PDLIM5: variants seen among roughly 807,000 people sequenced by gnomAD.
PDLIM5 encodes the protein PDZ and LIM domain protein 5.
In PDLIM5, 34 loss-of-function variants were observed where a neutral mutation model predicts 64.2. That is an observed-to-expected ratio of 0.53 (90% CI 0.40 to 0.71). PDLIM5 has a LOEUF of 0.71. PDLIM5 is among the 30% of genes least tolerant of loss of function. The pLI is 0.00. For missense variants in PDLIM5, 683 were observed against 733.6 expected (o/e 0.93, Z 0.80); for synonymous variants, 253 against 269.1 (o/e 0.94, Z 0.59).
intron 7 of PDLIM5, chr4:94,587,873 A>G (rs1286776133): frequency 4.6e-6 from 4 of 874,614 alleles, no homozygotes; most frequent in South Asian, 5.2e-5. Flanking sequence ...GCTTTTTTTA[A>G]TCAGAAGAAC....
chr4:94,552,488 T>TA (rs1732896069), intron 3 of PDLIM5, among the ~76,000 whole-genome samples: 1 of 152,074 alleles, frequency 6.6e-6, no homozygotes, highest in Admixed American at 6.6e-5. Context: ...AGAAATAGAT[T>TA]AAATTCCAAC....
At chr4:94,570,640 G>A (rs925364689) in intron 3 of PDLIM5, among the ~76,000 whole-genome samples, 3 of 152,204 alleles carry the variant, frequency 2.0e-5, no homozygotes, top group African/African-American at 7.2e-5. Flanking sequence ...AAAGTGTGAG[G>A]AAACTGTTTA....
intron 3 of PDLIM5, among the ~76,000 whole-genome samples, chr4:94,564,355 A>G (rs1734107624): frequency 6.6e-6 from 1 of 152,164 alleles, no homozygotes; most frequent in Non-Finnish European, 1.5e-5. Context: ...CCATCTCTGC[A>G]GCTTTATCTC....
chr4:94,622,132 C>A (rs1739285875), intron 8 of PDLIM5, among the ~76,000 whole-genome samples: 1 of 152,070 alleles, frequency 6.6e-6, no homozygotes, highest in African/African-American at 2.4e-5. Context: ...AATGGTATAC[C>A]ATAGTTTAAA....
chr4:94,502,891 A>T (rs1041233522), intron 2 of PDLIM5, among the ~76,000 whole-genome samples: 7 of 152,114 alleles, frequency 4.6e-5, no homozygotes, highest in African/African-American at 1.7e-4. Flanking sequence ...AAAGAAAAAA[A>T]AAAGTTAATA....
intron 7 of PDLIM5, among the ~76,000 whole-genome samples, chr4:94,589,044 G>C (rs1190706745): frequency 6.6e-6 from 1 of 152,186 alleles, no homozygotes; most frequent in Non-Finnish European, 1.5e-5. Context: ...AGTTATAACT[G>C]TGTCTCTGGC....
chr4:94,576,051 C>T lies in PDLIM5; in HGVS notation c.710+17C>T. On this transcript the variant is annotated intron_variant, in intron 5 of 12. Transcript: ENST00000317968. ...GCAAAATGGGTAGGTGGCTAAGGTG[C>T]TTTCTGCTCTTACTAAAACTCTTCT... 1 of 1,592,316 alleles carries T rather than the reference C, an allele frequency of 6.3e-7. No homozygotes were observed. The highest frequency in any genetic ancestry group is 1.1e-5 in the South Asian group (1 of 88,766).
intron 3 of PDLIM5, among the ~76,000 whole-genome samples, chr4:94,547,117 A>T (rs975372805): frequency 6.6e-6 from 1 of 152,172 alleles, no homozygotes; most frequent in African/African-American, 2.4e-5. Flanking sequence ...TAACATTTTC[A>T]TAAAAGTTTT....
chr4:94,566,936 G>A (rs1465998203), intron 3 of PDLIM5, among the ~76,000 whole-genome samples: 4 of 152,180 alleles, frequency 2.6e-5, no homozygotes, highest in Non-Finnish European at 4.4e-5. Context: ...ATATGGTTCT[G>A]TTATTGATGC....
At chr4:94,605,915 A>C (rs1280137870) in intron 7 of PDLIM5, among the ~76,000 whole-genome samples, 1 of 150,974 alleles carries the variant, frequency 6.6e-6, no homozygotes, top group Non-Finnish European at 1.5e-5. Flanking sequence ...ATAATAATTT[A>C]TAACCATATT....
At chr4:94,608,274 C>A in intron 7 of PDLIM5, 1 of 805,836 alleles carries the variant, frequency 1.2e-6, no homozygotes, top group Non-Finnish European at 1.9e-6. Context: ...TTGTTGATTA[C>A]AGAACGGACA....
At chr4:94,653,040 T>C (rs1316464955) in intron 9 of PDLIM5, among the ~76,000 whole-genome samples, 1 of 152,204 alleles carries the variant, frequency 6.6e-6, no homozygotes, top group East Asian at 1.9e-4. Context: ...GACTTTGCGA[T>C]ACTCATTGCT....
At chr4:94,572,585 T>G (rs978703351) in intron 3 of PDLIM5, among the ~76,000 whole-genome samples, 1 of 152,170 alleles carries the variant, frequency 6.6e-6, no homozygotes, top group African/African-American at 2.4e-5. Flanking sequence ...ACAAAAAACA[T>G]ATATTTAAAA....
intron 3 of PDLIM5, among the ~76,000 whole-genome samples, chr4:94,553,700 C>T (rs1733015776): frequency 6.6e-6 from 1 of 152,030 alleles, no homozygotes; most frequent in Non-Finnish European, 1.5e-5. Flanking sequence ...CTTAGTGTGT[C>T]GTGTGAATGA....
chr4:94,480,500 T>C (rs1725751271), intron 2 of PDLIM5, among the ~76,000 whole-genome samples: 1 of 152,058 alleles, frequency 6.6e-6, no homozygotes, highest in Non-Finnish European at 1.5e-5. Flanking sequence ...CCCAGAGAGA[T>C]GATGGGAAGA....
chr4:94,532,058 T>G (rs747180108), intron 3 of PDLIM5, among the ~76,000 whole-genome samples: 5 of 152,316 alleles, frequency 3.3e-5, no homozygotes, highest in Non-Finnish European at 7.3e-5. Flanking sequence ...TCTTCCAAAT[T>G]TATAACCCTA....
rs1735179811 is a variant in PDLIM5 at position 94,575,675 on chromosome 4, C to T, written c.351C>T (p.Val117=). 1.9e-6 allele frequency: 3 copies of T among 1,612,334 alleles called. No individual in the cohort carries two copies. Among genetic ancestry groups the T allele is most frequent in the Non-Finnish European group, 2.5e-6 (3 of 1,178,904 alleles). Residue 117 remains valine (V), a synonymous_variant, in exon 5 of 13, where the codon GTC becomes GTT. Coordinates refer to ENST00000317968, the MANE Select transcript of PDLIM5 (RefSeq NM_006457.5). The part of the protein sequence containing the change: ...VPITSPAVSK[V]TSTNNMAYNK... Reference sequence around the variant, plus strand: ...TTACATCTCCTGCTGTGTCCAAAGTCACTTCCACAAACAACATGGCCTACA... The same window carrying T: ...TTACATCTCCTGCTGTGTCCAAAGTTACTTCCACAAACAACATGGCCTACA...
At position 94,664,581 on chromosome 4, in the gene PDLIM5, G is replaced by T; in HGVS notation, c.*514G>T. 1.2e-6 allele frequency: 1 copy of T among 865,854 alleles called. No individual in the cohort carries two copies. The highest frequency in any genetic ancestry group is 1.4e-6 in the Non-Finnish European group (1 of 721,288). 53.6% of individuals were successfully genotyped at this position (865,854 alleles called of 1,614,324 possible). A position where few individuals can be genotyped will look rare whatever the true frequency, so the allele number is the denominator to read the frequency against. On this transcript the variant is annotated 3_prime_UTR_variant, in exon 13 of 13. Coordinates refer to ENST00000317968, the MANE Select transcript of PDLIM5 (RefSeq NM_006457.5). ...AATAGGTGTCAGTTTTTAAAAAATT[G>T]CTTGTAGGCTGAGCGCGGTGGCTCA...
chr4:94,467,954 G>A (rs560998515), intron 2 of PDLIM5, among the ~76,000 whole-genome samples: 1 of 152,258 alleles, frequency 6.6e-6, no homozygotes, highest in South Asian at 2.1e-4. Flanking sequence ...ACATCCCTTA[G>A]CATTTACCTT....
Sources: gnomAD v4.1 joint callset for allele counts (sites outside exome capture counted in the v4.1 genomes callset) on GRCh38, gnomAD v4.1.1 for gene constraint, MANE v1.5 for transcripts, NCBI Gene and HGNC (gene_info 2026-07-23, HGNC 2026-07-21) for gene names.